The following GAREM1 variants were observed in gnomAD, a reference collection of about 807,000 sequenced individuals.
GAREM1 encodes the protein GRB2 associated regulator of MAPK1 subtype 1.
Under a neutral mutation model 71.3 loss-of-function variants are expected in GAREM1, and 26 were observed. The observed-to-expected ratio is 0.36, with a 90% CI of 0.27 to 0.51. GAREM1 has a LOEUF of 0.51. GAREM1 is among the 20% of genes least tolerant of loss of function. The probability of loss-of-function intolerance (pLI) is 0.95; values close to 1 mark genes in which losing one functional copy is unlikely to be tolerated. For synonymous variants in GAREM1, 440 were observed against 433.2 expected, an observed-to-expected ratio of 1.02 and a Z score of -0.20; for missense variants, 1,026 against 1,103.1, an observed-to-expected ratio of 0.93 and a Z score of 0.99.
chr18:32,430,830 T>C (rs900163958), intron 1 of GAREM1, among the ~76,000 whole-genome samples: 9 of 152,238 alleles, frequency 5.9e-5, no homozygotes, highest in Non-Finnish European at 1.2e-4. Context: ...TAAATCTCTT[T>C]GTACTCTTGC....
chr18:32,292,701 C>G (rs1247554709), intron 3 of GAREM1, among the ~76,000 whole-genome samples: 1 of 152,194 alleles, frequency 6.6e-6, no homozygotes, highest in Admixed American at 6.5e-5. Context: ...TGCCTTTCTC[C>G]ATGAGGGCAA....
intron 1 of GAREM1, among the ~76,000 whole-genome samples, chr18:32,429,021 T>G (rs373787773): frequency 6.6e-6 from 1 of 152,274 alleles, no homozygotes; most frequent in South Asian, 2.1e-4. Context: ...CTTTATGTAC[T>G]ACCCTCTCCT....
intron 1 of GAREM1, among the ~76,000 whole-genome samples, chr18:32,440,471 C>A (rs2048724499): frequency 6.6e-6 from 1 of 152,294 alleles, no homozygotes; most frequent in East Asian, 1.9e-4. Flanking sequence ...ATAATTAACA[C>A]AAGCACATTC....
chr18:32,371,954 AAG>A (rs2047984283), intron 2 of GAREM1, among the ~76,000 whole-genome samples: 1 of 152,192 alleles, frequency 6.6e-6, no homozygotes, highest in Non-Finnish European at 1.5e-5. Context: ...AGTTATGAGA[AAG>A]AGAGTCAGAC....
At chr18:32,292,743 T>A (rs569459685) in intron 3 of GAREM1, among the ~76,000 whole-genome samples, 1 of 152,304 alleles carries the variant, frequency 6.6e-6, no homozygotes, top group Admixed American at 6.5e-5. Context: ...CATGCAGAAC[T>A]GTGAGTCAAT....
chr18:32,329,854 T>C (rs1042840800), intron 2 of GAREM1, among the ~76,000 whole-genome samples: 3 of 152,018 alleles, frequency 2.0e-5, no homozygotes, highest in Non-Finnish European at 2.9e-5. Context: ...TAACTCTTCA[T>C]ATTACTAACA....
chr18:32,431,125 A>G (rs2144257528), intron 1 of GAREM1, among the ~76,000 whole-genome samples: 1 of 152,316 alleles, frequency 6.6e-6, no homozygotes, highest in East Asian at 1.9e-4. Context: ...CTGGTTACTG[A>G]GTGGTGCACA....
chr18:32,446,670 G>A (rs1245790510), intron 1 of GAREM1, among the ~76,000 whole-genome samples: 1 of 152,188 alleles, frequency 6.6e-6, no homozygotes, highest in Non-Finnish European at 1.5e-5. Context: ...GTTGACAAAT[G>A]TAGTACCAAT....
intron 5 of GAREM1, among the ~76,000 whole-genome samples, chr18:32,269,702 T>A (rs887755933): frequency 5.9e-5 from 9 of 152,238 alleles, no homozygotes; most frequent in African/African-American, 2.2e-4. Flanking sequence ...AACAATGGAA[T>A]GAGCTGTGTT....
At chr18:32,356,003 T>C (rs563536674) in intron 2 of GAREM1, among the ~76,000 whole-genome samples, 4 of 152,230 alleles carry the variant, frequency 2.6e-5, no homozygotes, top group Non-Finnish European at 5.9e-5. Context: ...ACCTCCTAAA[T>C]GGACTTTGCC....
intron 4 of GAREM1, among the ~76,000 whole-genome samples, chr18:32,271,172 C>A (rs1187997215): frequency 2.0e-5 from 3 of 151,828 alleles, no homozygotes; most frequent in African/African-American, 7.3e-5. Context: ...CTGGCCAGGG[C>A]TACTTTTTAA....
chr18:32,374,525 C>G (rs1241674276), intron 2 of GAREM1, among the ~76,000 whole-genome samples: 4 of 152,136 alleles, frequency 2.6e-5, no homozygotes, highest in Non-Finnish European at 4.4e-5. Context: ...CAATATAGCT[C>G]CAACAAAAGC....
intron 1 of GAREM1, among the ~76,000 whole-genome samples, chr18:32,411,916 T>A (rs1411034831): frequency 2.0e-5 from 3 of 151,992 alleles, no homozygotes; most frequent in Non-Finnish European, 4.4e-5. Flanking sequence ...GATCAGACTA[T>A]TACATTTAGC....
At chr18:32,393,410 G>A (rs892397723) in intron 1 of GAREM1, among the ~76,000 whole-genome samples, 1 of 152,110 alleles carries the variant, frequency 6.6e-6, no homozygotes, top group African/African-American at 2.4e-5. Context: ...ACTTTAGGAG[G>A]TAGGTAAAAG....
intron 1 of GAREM1, among the ~76,000 whole-genome samples, chr18:32,413,741 A>G (rs1599030845): frequency 6.6e-6 from 1 of 152,096 alleles, no homozygotes; most frequent in East Asian, 1.9e-4. Context: ...AACAGCTATC[A>G]TTTCTTTTTA....
intron 2 of GAREM1, among the ~76,000 whole-genome samples, chr18:32,328,402 A>G (rs2047493988): frequency 6.6e-6 from 1 of 152,202 alleles, no homozygotes; most frequent in Non-Finnish European, 1.5e-5. Flanking sequence ...TAATCTGTAG[A>G]TAGAACAGAG....
At chr18:32,453,269 T>C (rs1309480313) in intron 1 of GAREM1, among the ~76,000 whole-genome samples, 1 of 152,146 alleles carries the variant, frequency 6.6e-6, no homozygotes, top group Non-Finnish European at 1.5e-5. Context: ...TATCTCCCAC[T>C]GGGCCCCTCC....
chr18:32,433,734 A>C (rs1425668029), intron 1 of GAREM1, among the ~76,000 whole-genome samples: 1 of 152,146 alleles, frequency 6.6e-6, no homozygotes, highest in Non-Finnish European at 1.5e-5. Flanking sequence ...TATAAATCTA[A>C]TAAAAATATG....
At chr18:32,417,318 C>CA (rs1025758340) in intron 1 of GAREM1, among the ~76,000 whole-genome samples, 56 of 152,080 alleles carry the variant, frequency 3.7e-4, no homozygotes, top group African/African-American at 1.3e-3. Context: ...GGAGGTTCCT[C>CA]AAAAAACTAA....
Sources: gnomAD v4.1 joint callset for allele counts (sites outside exome capture counted in the v4.1 genomes callset) on GRCh38, gnomAD v4.1.1 for gene constraint, MANE v1.5 for transcripts, NCBI Gene and HGNC (gene_info 2026-07-23, HGNC 2026-07-21) for gene names.